FHOD3: variants seen among roughly 807,000 people sequenced by gnomAD.
The protein encoded by FHOD3 is formin homology 2 domain containing 3.
In FHOD3, 90 loss-of-function variants were observed where a neutral mutation model predicts 173.0. The observed-to-expected ratio is 0.52, with a 90% CI of 0.44 to 0.62. The LOEUF (loss-of-function observed/expected upper bound fraction) is 0.62, where lower values mean the gene tolerates loss of function less well. Among genes scored for constraint, FHOD3 ranks in the 20% least tolerant of loss-of-function variants. The pLI is 0.00. For synonymous variants in FHOD3, 828 were observed against 823.0 expected (o/e 1.01, Z -0.10); for missense variants, 1,945 against 2,034.7 (o/e 0.96, Z 0.85).
intron 10 of FHOD3, among the ~76,000 whole-genome samples, chr18:36,629,407 GAAAA>G (rs1039058717): frequency 6.6e-6 from 1 of 151,924 alleles, no homozygotes; most frequent in African/African-American, 2.4e-5. Flanking sequence ...TTAAAAATGT[GAAAA>G]CCACTCTTAG....
intron 3 of FHOD3, among the ~76,000 whole-genome samples, chr18:36,450,127 ATCC>A (rs1354449425): frequency 6.6e-6 from 1 of 152,128 alleles, no homozygotes; most frequent in Non-Finnish European, 1.5e-5. Context: ...AGATCTTTGT[ATCC>A]TCATAGCTTA....
intron 3 of FHOD3, among the ~76,000 whole-genome samples, chr18:36,482,551 G>T (rs1242523051): frequency 6.6e-6 from 1 of 152,072 alleles, no homozygotes; most frequent in Admixed American, 6.5e-5. Context: ...GAGACTGGGA[G>T]TATAGTAGGG....
At chr18:36,333,104 G>T (rs995093255) in intron 1 of FHOD3, among the ~76,000 whole-genome samples, 2 of 152,198 alleles carry the variant, frequency 1.3e-5, no homozygotes, top group African/African-American at 2.4e-5. Flanking sequence ...AACTTACACT[G>T]CACCCACCAG....
intron 14 of FHOD3, among the ~76,000 whole-genome samples, chr18:36,675,085 G>A (rs569504174): frequency 4.1e-4 from 62 of 152,254 alleles, no homozygotes; most frequent in African/African-American, 1.2e-3. Flanking sequence ...AAGAACTGCC[G>A]TGATTGTCAG....
At chr18:36,493,412 G>A (rs767283064) in intron 3 of FHOD3, among the ~76,000 whole-genome samples, 4 of 152,080 alleles carry the variant, frequency 2.6e-5, no homozygotes, top group Non-Finnish European at 4.4e-5. Flanking sequence ...AATGAGCCAT[G>A]CTTCCTGGGG....
intron 23 of FHOD3, 43 bp from the exon 24 acceptor site, chr18:36,746,902 C>T: frequency 6.7e-7 from 1 of 1,491,220 alleles, no homozygotes; most frequent in Non-Finnish European, 9.0e-7. Flanking sequence ...AGGCTGGTGT[C>T]CGGCGGTTTC....
intron 28 of FHOD3, among the ~76,000 whole-genome samples, chr18:36,775,408 G>GT (rs1482837957): frequency 6.6e-6 from 1 of 152,208 alleles, no homozygotes; most frequent in Admixed American, 6.5e-5. Flanking sequence ...GGGCACAGCT[G>GT]TTTCCAGTGT....
chr18:36,673,659 C>T (rs1003239092), intron 14 of FHOD3, among the ~76,000 whole-genome samples: 2 of 152,096 alleles, frequency 1.3e-5, no homozygotes, highest in African/African-American at 4.8e-5. Flanking sequence ...GTTCCTCGAT[C>T]TGTCCTCCAC....
At chr18:36,752,226 A>T (rs1225535005) in intron 24 of FHOD3, among the ~76,000 whole-genome samples, 1 of 152,162 alleles carries the variant, frequency 6.6e-6, no homozygotes, top group Non-Finnish European at 1.5e-5. Context: ...GGGAACTACA[A>T]TTTAAGATGA....
intron 5 of FHOD3, among the ~76,000 whole-genome samples, chr18:36,573,443 G>GAAA (rs58181229): frequency 3.5e-5 from 5 of 141,068 alleles, no homozygotes; most frequent in Non-Finnish European, 4.6e-5. Context: ...TATCTCTACA[G>GAAA]AAAAAAAAAA....
chr18:36,346,477 T>C (rs1000737403), intron 1 of FHOD3, among the ~76,000 whole-genome samples: 3 of 152,232 alleles, frequency 2.0e-5, no homozygotes, highest in Admixed American at 1.3e-4. Context: ...AAATGGTAAA[T>C]GGTATCACCA....
At position 36,405,738 on chromosome 18, in the gene FHOD3, C is replaced by T. The variant is rs59830360; in HGVS notation, c.337+32994C>T. Among the ~76,000 whole-genome samples the T allele has an allele frequency of 7.4e-3, 1,123 of 152,266 alleles. 14 individuals carry two copies. The highest frequency in any genetic ancestry group is 0.026 in the African/African-American group (1,069 of 41,534). ...GAGGACATGTTTATATGACTGTGAA[C>T]ATACCAAAATATGGAACAGATGTGA... On this transcript the variant is annotated intron_variant, in intron 3 of 28. Transcript: ENST00000590592.
Position 36,652,691 on chromosome 18 carries a change from G to T in FHOD3, c.1408G>T (p.Gly470Cys). The T allele has an allele frequency of 6.5e-7, 1 of 1,535,754 alleles. No individual in the cohort carries two copies. Among genetic ancestry groups the T allele is most frequent in the Non-Finnish European group, 8.7e-7 (1 of 1,146,678 alleles). The change falls in exon 12 of 29, where the codon GGC becomes TGC. Residue 470 changes from glycine to cysteine, a missense_variant. Physicochemically the swap from Gly to Cys is radical, Grantham distance 159. Transcript: ENST00000590592. Reference protein sequence around the residue: ...QGKPLLVGTAGGTTWHSGSSG... With the variant: ...QGKPLLVGTACGTTWHSGSSG... ...AAAGCCGCTTCTGGTTGGCACTGCA[G>T]GCGGGACCACCTGGCACAGTGGGTC...
chr18:36,684,211 T>G (rs958413582), intron 15 of FHOD3, among the ~76,000 whole-genome samples: 1 of 152,176 alleles, frequency 6.6e-6, no homozygotes, highest in Non-Finnish European at 1.5e-5. Flanking sequence ...CCCGGTTGAT[T>G]ACCTGCTAAT....
At chr18:36,450,754 C>T (rs1259350530) in intron 3 of FHOD3, among the ~76,000 whole-genome samples, 2 of 152,118 alleles carry the variant, frequency 1.3e-5, no homozygotes, top group Non-Finnish European at 2.9e-5. Flanking sequence ...GATTACACCA[C>T]TGCATTCCAG....
chr18:36,699,528 C>T (rs112082054), intron 17 of FHOD3, among the ~76,000 whole-genome samples: 4 of 152,210 alleles, frequency 2.6e-5, no homozygotes, highest in Non-Finnish European at 4.4e-5. Context: ...TTTGAATTTC[C>T]AGACAATGAC....
chr18:36,693,144 T>A, intron 16 of FHOD3, 65 bp from the exon 17 acceptor site: 1 of 1,480,402 alleles, frequency 6.8e-7, no homozygotes, highest in Non-Finnish European at 9.3e-7. Flanking sequence ...GTTTCATCCA[T>A]AAACAAGCAT....
At chr18:36,613,619 G>C (rs1199807050) in intron 9 of FHOD3, among the ~76,000 whole-genome samples, 1 of 152,166 alleles carries the variant, frequency 6.6e-6, no homozygotes, top group East Asian at 1.9e-4. Context: ...CATTCTGTGT[G>C]TATGTCATTG....
At chr18:36,684,433 T>C (rs1484829804) in intron 15 of FHOD3, among the ~76,000 whole-genome samples, 2 of 152,066 alleles carry the variant, frequency 1.3e-5, no homozygotes, top group Admixed American at 6.6e-5. Context: ...AAGTAGCTAT[T>C]ATAAACATGC....
Sources: allele counts gnomAD v4.1 joint callset (sites outside exome capture counted in the v4.1 genomes callset), GRCh38; gene constraint gnomAD v4.1.1; transcripts MANE v1.5; gene names NCBI Gene and HGNC (gene_info 2026-07-23, HGNC 2026-07-21).